The following MANBA variants were observed in gnomAD, a reference collection of about 807,000 sequenced individuals.
MANBA encodes the protein mannosidase beta.
MANBA carries 83 observed loss-of-function variants against 111.1 expected under a neutral mutation model. The observed-to-expected ratio is 0.75, with a 90% confidence interval of 0.63 to 0.90. The LOEUF is 0.90. MANBA is among the 40% of genes least tolerant of loss of function. The pLI, the probability that MANBA is intolerant of heterozygous loss-of-function variation, is 0.00. For missense variants in MANBA, 1,036 were observed against 1,069.0 expected (o/e 0.97, Z 0.43); for synonymous variants, 370 against 378.7 (o/e 0.98, Z 0.27).
At chr4:102,726,263 A>G (rs1722794396) in intron 2 of MANBA, among the ~76,000 whole-genome samples, 1 of 152,208 alleles carries the variant, frequency 6.6e-6, no homozygotes, top group African/African-American at 2.4e-5. Context: ...GCTTCACCAC[A>G]TAGTATAGGT....
At position 102,704,105 on chromosome 4, in the gene MANBA, A is replaced by C. The variant is rs1006603386; in HGVS notation, c.673+10333T>G. Among the ~76,000 whole-genome samples the C allele has an allele frequency of 8.5e-5, 13 of 152,106 alleles. No individual in the cohort carries two copies. In the East Asian group the frequency reaches 1.5e-3, roughly 18 times the overall value. ...GCAAAACTCTATCTCGAAAAAAAAA[A>C]ACCAAAAAATTTGATCCCAAATGCT... On this transcript the variant is annotated intron_variant, in intron 5 of 16. Coordinates refer to ENST00000647097, the MANE Select transcript of MANBA (RefSeq NM_005908.4).
intron 1 of MANBA, among the ~76,000 whole-genome samples, chr4:102,748,798 G>A (rs954100993): frequency 4.0e-5 from 6 of 151,886 alleles, no homozygotes; most frequent in Admixed American, 6.6e-5. Flanking sequence ...CTGTAATCCC[G>A]GCTACTCGGG....
intron 7 of MANBA, among the ~76,000 whole-genome samples, chr4:102,681,937 G>A (rs1368704886): frequency 6.6e-6 from 1 of 151,914 alleles, no homozygotes; most frequent in African/African-American, 2.4e-5. Context: ...CCTGAGGTCG[G>A]GAGTTTGAGA....
At chr4:102,718,595 T>A (rs942502008) in intron 4 of MANBA, among the ~76,000 whole-genome samples, 18 of 152,144 alleles carry the variant, frequency 1.2e-4, no homozygotes, top group Admixed American at 1.1e-3. Context: ...AGTCCCACTA[T>A]CCATTCTGGA....
intron 1 of MANBA, among the ~76,000 whole-genome samples, chr4:102,732,518 A>G (rs1723067198): frequency 1.3e-5 from 2 of 152,258 alleles, no homozygotes; most frequent in South Asian, 2.1e-4. Flanking sequence ...GCACTACAAC[A>G]TCAGTGGGAG....
chr4:102,708,656 A>G (rs1721865952), intron 5 of MANBA, among the ~76,000 whole-genome samples: 1 of 151,890 alleles, frequency 6.6e-6, no homozygotes, highest in South Asian at 2.1e-4. Flanking sequence ...TAATGATCAG[A>G]GCAGAACTCA....
chr4:102,632,793 T>C (rs1008732314), intron 16 of MANBA, among the ~76,000 whole-genome samples: 7 of 152,228 alleles, frequency 4.6e-5, no homozygotes, highest in African/African-American at 1.7e-4. Context: ...AAAGTCACAT[T>C]ATTAGCATTT....
chr4:102,749,853 C>G (rs1352085608), intron 1 of MANBA, among the ~76,000 whole-genome samples: 2 of 152,182 alleles, frequency 1.3e-5, no homozygotes, highest in African/African-American at 2.4e-5. Flanking sequence ...ATGATAAGGA[C>G]CAGCCAACGC....
intron 5 of MANBA, among the ~76,000 whole-genome samples, chr4:102,691,992 C>T (rs1732497688): frequency 6.6e-6 from 1 of 152,092 alleles, no homozygotes; most frequent in Non-Finnish European, 1.5e-5. Context: ...AGGGGGTCAG[C>T]ATAATTGAAA....
chr4:102,679,576 T>C (rs910762178), intron 7 of MANBA: 2 of 152,046 alleles, frequency 1.3e-5, no homozygotes, highest in Non-Finnish European at 2.9e-5. Context: ...TATGCTATAG[T>C]AAGAAATAAT....
At chr4:102,644,230 C>T (rs973440942) in intron 13 of MANBA, among the ~76,000 whole-genome samples, 3 of 152,076 alleles carry the variant, frequency 2.0e-5, no homozygotes, top group Non-Finnish European at 4.4e-5. Flanking sequence ...AGTATGGAGG[C>T]TTCCCAAACT....
intron 11 of MANBA, among the ~76,000 whole-genome samples, chr4:102,658,473 A>T (rs1346725937): frequency 6.6e-6 from 1 of 152,216 alleles, no homozygotes; most frequent in Non-Finnish European, 1.5e-5. Flanking sequence ...GTGACTTTAA[A>T]TCTCAAATCT....
rs144426440 is a variant in MANBA, at chr4:102,639,812, G to C, written c.1915C>G (p.Arg639Gly). ...TGATCCACTATCTCGCTGCGACTACGGCGGTAGAATTCAGTTTCTGTTTTG... is the reference window on the plus strand; with the variant it reads ...TGATCCACTATCTCGCTGCGACTACCGCGGTAGAATTCAGTTTCTGTTTTG... ...CVKTETEFYR[R>G]SRSEIVDQQG... Residue 639 changes from arginine to glycine, a missense_variant, in exon 14 of 17, where the codon CGT becomes GGT. Coordinates refer to ENST00000647097, the MANE Select transcript of MANBA (RefSeq NM_005908.4). The C allele has an allele frequency of 3.1e-6, 5 of 1,613,878 alleles. No homozygotes were observed. In the East Asian group the frequency reaches 1.1e-4, roughly 36 times the overall value.
At chr4:102,657,948 A>G in intron 11 of MANBA, 48 bp from the exon 12 acceptor site, 1 of 1,316,516 alleles carries the variant, frequency 7.6e-7, no homozygotes, top group Non-Finnish European at 1.1e-6. Context: ...TTCATCCTGT[A>G]AAGTATGTAT....
rs548430070 is a variant in MANBA, at chr4:102,631,574, G to T, written c.*483C>A. The T allele has an allele frequency of 9.8e-5, 40 of 406,334 alleles. No homozygotes were observed. Among genetic ancestry groups the T allele is most frequent in the African/African-American group, 6.8e-4 (33 of 48,448 alleles). The allele number at this position is 406,334 out of a possible 1,614,324, so 25.2% of individuals were successfully genotyped here. A position where few individuals can be genotyped will look rare whatever the true frequency, so the allele number is the denominator to read the frequency against. On this transcript the variant is annotated 3_prime_UTR_variant, in exon 17 of 17. Coordinates refer to ENST00000647097, the MANE Select transcript of MANBA (RefSeq NM_005908.4). ...ATACCCATATACCTTTACCCAAATA[G>T]CTACCACCAAGAAATCTCTGTTGTA...
At chr4:102,679,491 G>A (rs1731868445) in intron 7 of MANBA, 1 of 151,922 alleles carries the variant, frequency 6.6e-6, no homozygotes. Context: ...AAAAGGAAAA[G>A]TTAATAGATT....
intron 1 of MANBA, among the ~76,000 whole-genome samples, chr4:102,733,607 T>C (rs2110201025): frequency 6.6e-6 from 1 of 152,320 alleles, no homozygotes; most frequent in African/African-American, 2.4e-5. Flanking sequence ...GCAATCCTCC[T>C]ACCTTGGCCT....
At chr4:102,645,977 A>C (rs1393429486) in intron 13 of MANBA, among the ~76,000 whole-genome samples, 1 of 152,180 alleles carries the variant, frequency 6.6e-6, no homozygotes, top group Non-Finnish European at 1.5e-5. Context: ...AGAATATTAC[A>C]GTTTAAAAAG....
chr4:102,755,325 C>A (rs1170373898), intron 1 of MANBA, among the ~76,000 whole-genome samples: 1 of 152,144 alleles, frequency 6.6e-6, no homozygotes, highest in Non-Finnish European at 1.5e-5. Flanking sequence ...CACACATCTA[C>A]AACCATCTGA....
Sources: gnomAD v4.1 joint callset for allele counts (sites outside exome capture counted in the v4.1 genomes callset) on GRCh38, gnomAD v4.1.1 for gene constraint, MANE v1.5 for transcripts, NCBI Gene and HGNC (gene_info 2026-07-23, HGNC 2026-07-21) for gene names.